The following GRM7 variants were observed in gnomAD, a reference collection of about 807,000 sequenced individuals.
The protein encoded by GRM7 is glutamate metabotropic receptor 7.
A neutral mutation model predicts 84.5 loss-of-function variants in GRM7; 35 were observed. The ratio of observed to expected loss-of-function variants is 0.41; its 90% CI spans 0.32 to 0.55. The LOEUF (loss-of-function observed/expected upper bound fraction) is 0.55. GRM7 is among the 20% of genes least tolerant of loss of function. The pLI, the probability that GRM7 is intolerant of heterozygous loss-of-function variation, is 0.19. For missense variants in GRM7, 1,003 were observed against 1,194.6 expected (o/e 0.84, Z 2.36); for synonymous variants, 487 against 455.1 (o/e 1.07, Z -0.89).
At chr3:7,583,714 G>A (rs889359024) in intron 8 of GRM7, among the ~76,000 whole-genome samples, 14 of 152,172 alleles carry the variant, frequency 9.2e-5, no homozygotes, top group African/African-American at 3.4e-4. Context: ...AATCTTTTTT[G>A]TTAAATTGCC....
At chr3:7,257,750 C>T (rs1418789591) in intron 2 of GRM7, among the ~76,000 whole-genome samples, 1 of 152,144 alleles carries the variant, frequency 6.6e-6, no homozygotes, top group Non-Finnish European at 1.5e-5. Context: ...TCTTACTTTT[C>T]CACCTGTAGC....
chr3:7,146,891 A>G (rs1694127729), intron 2 of GRM7, among the ~76,000 whole-genome samples: 1 of 152,160 alleles, frequency 6.6e-6, no homozygotes. Flanking sequence ...AATGAAGAAA[A>G]AAAAATATGT....
chr3:7,649,684 G>T lies in GRM7; in HGVS notation c.2452-30365G>T, dbSNP rs148135139. On this transcript the variant is annotated intron_variant, in intron 8 of 9. Transcript: ENST00000357716. ...ACAGTCCCTTTGTCTTTCGGCAGGG[G>T]ATTTATTGATATTTAGGTAAAGAAT... 5.0e-3 allele frequency among the ~76,000 whole-genome samples: 756 copies of T among 152,126 alleles called. 2 individuals carry two copies. Among genetic ancestry groups the T allele is most frequent in the Middle Eastern group, 0.017 (5 of 294 alleles).
intron 1 of GRM7, among the ~76,000 whole-genome samples, chr3:6,997,807 A>T (rs1012529116): frequency 2.0e-5 from 3 of 152,140 alleles, no homozygotes; most frequent in Admixed American, 6.5e-5. Flanking sequence ...TGACAAGGCA[A>T]GTTCTTTCAT....
chr3:7,233,619 CAT>C (rs1697261228), intron 2 of GRM7, among the ~76,000 whole-genome samples: 1 of 152,064 alleles, frequency 6.6e-6, no homozygotes, highest in Admixed American at 6.6e-5. Flanking sequence ...CTATGAGTAA[CAT>C]AGAAATAGTC....
At chr3:7,579,467 T>C in intron 8 of GRM7, 110 bp downstream of exon 8, 1 of 654,826 alleles carries the variant, frequency 1.5e-6, no homozygotes, top group Non-Finnish European at 2.6e-6. Context: ...TGCAGAATGG[T>C]ATTTCCAAGA....
intron 1 of GRM7, among the ~76,000 whole-genome samples, chr3:7,074,505 G>C (rs1006317880): frequency 1.3e-5 from 2 of 151,966 alleles, no homozygotes; most frequent in Non-Finnish European, 2.9e-5. Flanking sequence ...ACTGTTCTGC[G>C]ACATTATAAA....
At chr3:6,947,856 T>C (rs1488373642) in intron 1 of GRM7, among the ~76,000 whole-genome samples, 1 of 152,216 alleles carries the variant, frequency 6.6e-6, no homozygotes, top group African/African-American at 2.4e-5. Context: ...GTGTTTATAG[T>C]GTTCTCTGAT....
At chr3:7,220,522 T>G (rs1386591101) in intron 2 of GRM7, among the ~76,000 whole-genome samples, 1 of 152,128 alleles carries the variant, frequency 6.6e-6, no homozygotes, top group Non-Finnish European at 1.5e-5. Context: ...AAAACTGTCA[T>G]AGCCAAGAGG....
chr3:7,434,623 C>A (rs982920333), intron 5 of GRM7, among the ~76,000 whole-genome samples: 1 of 152,074 alleles, frequency 6.6e-6, no homozygotes, highest in Non-Finnish European at 1.5e-5. Flanking sequence ...ATTAAGTTTG[C>A]AGTCCTAGGA....
chr3:7,390,652 G>A (rs776753320), intron 4 of GRM7, among the ~76,000 whole-genome samples: 17 of 152,062 alleles, frequency 1.1e-4, no homozygotes, highest in Admixed American at 3.3e-4. Flanking sequence ...CTGTTAAGGC[G>A]TCCAATTGTA....
intron 2 of GRM7, among the ~76,000 whole-genome samples, chr3:7,182,981 T>C (rs907150052): frequency 2.8e-5 from 4 of 142,210 alleles, no homozygotes; most frequent in Admixed American, 1.4e-4. Context: ...ATAATGCAAC[T>C]CATCACAGCA....
intron 9 of GRM7, among the ~76,000 whole-genome samples, chr3:7,700,195 T>G (rs1575648787): frequency 6.6e-6 from 1 of 152,070 alleles, no homozygotes; most frequent in Admixed American, 6.6e-5. Context: ...CAAGGGCACA[T>G]CCCCGCGACT....
At chr3:7,288,876 C>T (rs1295956905) in intron 2 of GRM7, among the ~76,000 whole-genome samples, 1 of 152,028 alleles carries the variant, frequency 6.6e-6, no homozygotes, top group Non-Finnish European at 1.5e-5. Flanking sequence ...TATATATATG[C>T]CTGCTCTAAA....
intron 2 of GRM7, among the ~76,000 whole-genome samples, chr3:7,203,415 T>C (rs1241913864): frequency 1.1e-4 from 17 of 152,216 alleles, no homozygotes. Context: ...CTGAATAGTA[T>C]TCCATATCGT....
chr3:7,312,531 A>T (rs1700437225), intron 4 of GRM7, among the ~76,000 whole-genome samples: 1 of 152,128 alleles, frequency 6.6e-6, no homozygotes, highest in Non-Finnish European at 1.5e-5. Flanking sequence ...GCTTGGTGAA[A>T]TTCCAGTTAC....
chr3:7,382,060 A>T (rs1694612337), intron 4 of GRM7, among the ~76,000 whole-genome samples: 1 of 152,190 alleles, frequency 6.6e-6, no homozygotes, highest in Admixed American at 6.5e-5. Flanking sequence ...AAAAAAAACC[A>T]ACAGCCATTC....
At chr3:7,470,320 A>C (rs1698646790) in intron 7 of GRM7, among the ~76,000 whole-genome samples, 1 of 152,244 alleles carries the variant, frequency 6.6e-6, no homozygotes, top group South Asian at 2.1e-4. Flanking sequence ...ATTCCATAAT[A>C]TGTAATAATA....
chr3:7,522,998 A>G (rs544095347), intron 7 of GRM7, among the ~76,000 whole-genome samples: 127 of 152,252 alleles, frequency 8.3e-4, no homozygotes, highest in African/African-American at 2.9e-3. Context: ...CTCAAGAAAG[A>G]AAGAAGACTC....
Sources: gnomAD v4.1 joint callset for allele counts (sites outside exome capture counted in the v4.1 genomes callset) on GRCh38, gnomAD v4.1.1 for gene constraint, MANE v1.5 for transcripts, NCBI Gene and HGNC (gene_info 2026-07-23, HGNC 2026-07-21) for gene names.